ENDOD1: variants seen among roughly 807,000 people sequenced by gnomAD.
ENDOD1 encodes the protein endonuclease domain containing 1.
ENDOD1 carries 9 observed loss-of-function variants against 6.5 expected under a neutral mutation model. That is an observed-to-expected ratio of 1.39 (90% CI 0.84 to 2.43). The LOEUF is 2.43. ENDOD1 is among the 30% of genes most tolerant of loss of function. The pLI, the probability that ENDOD1 is intolerant of heterozygous loss-of-function variation, is 0.00. For synonymous variants in ENDOD1, 255 were observed against 255.2 expected, an observed-to-expected ratio of 1.00 and a Z score of 0.01; for missense variants, 648 against 635.5, an observed-to-expected ratio of 1.02 and a Z score of -0.21.
chr11:95,121,607 T>G (rs1053962021), intron 1 of ENDOD1, among the ~76,000 whole-genome samples: 1 of 152,214 alleles, frequency 6.6e-6, no homozygotes, highest in Admixed American at 6.5e-5. Flanking sequence ...TCATAAAAAT[T>G]TAGTTTCCCC....
At chr11:95,119,575 C>G in intron 1 of ENDOD1, among the ~76,000 whole-genome samples, 1 of 152,148 alleles carries the variant, frequency 6.6e-6, no homozygotes, top group East Asian at 1.9e-4. Flanking sequence ...CACAAGCACC[C>G]CTGTGGCCAC....
chr11:95,116,536 G>T (rs1859210979), intron 1 of ENDOD1, among the ~76,000 whole-genome samples: 1 of 151,828 alleles, frequency 6.6e-6, no homozygotes, highest in African/African-American at 2.4e-5. Context: ...ATTTTGGCTT[G>T]GCTTACTCTT....
At chr11:95,110,298 A>G (rs1425887618) in intron 1 of ENDOD1, among the ~76,000 whole-genome samples, 2 of 152,138 alleles carry the variant, frequency 1.3e-5, no homozygotes, top group East Asian at 1.9e-4. Context: ...ACTCTTCTCC[A>G]TGGGATCCCA....
At chr11:95,102,367 T>G (rs1400970004) in intron 1 of ENDOD1, among the ~76,000 whole-genome samples, 5 of 127,326 alleles carry the variant, frequency 3.9e-5, no homozygotes, top group African/African-American at 1.7e-4. Context: ...TCTTTCCTGC[T>G]TAAAAAAAAA....
At position 95,132,189 on chromosome 11, in the gene ENDOD1, T is replaced by G. The variant is rs1335757690; in HGVS notation, c.*2610T>G. On this transcript the variant is annotated 3_prime_UTR_variant, in exon 2 of 2. Transcript: ENST00000278505. ...TCATTATGGAGCTGATTTTCTAGTC[T>G]GTGGATCAGCTATGCCTTTGGACAC... The G allele has an allele frequency of 2.0e-5, 3 of 152,684 alleles. No homozygotes were observed. Among genetic ancestry groups the G allele is most frequent in the African/African-American group, 7.2e-5 (3 of 41,468 alleles). The allele number at this position is 152,684 out of a possible 1,614,324, so 9.5% of individuals were successfully genotyped here.
chr11:95,127,841 C>T (rs1247182521), intron 1 of ENDOD1, among the ~76,000 whole-genome samples: 1 of 152,040 alleles, frequency 6.6e-6, no homozygotes, highest in Non-Finnish European at 1.5e-5. Context: ...CTCACTGCAA[C>T]CTCTGCCTCC....
chr11:95,108,210 C>A (rs1026224525), intron 1 of ENDOD1, among the ~76,000 whole-genome samples: 2 of 152,126 alleles, frequency 1.3e-5, no homozygotes, highest in Non-Finnish European at 2.9e-5. Flanking sequence ...AAGTAGAACA[C>A]CCACCCTTTC....
At chr11:95,110,134 A>G (rs1280965296) in intron 1 of ENDOD1, among the ~76,000 whole-genome samples, 2 of 152,206 alleles carry the variant, frequency 1.3e-5, no homozygotes, top group Non-Finnish European at 2.9e-5. Context: ...TTCGGAGGCT[A>G]AAGACATTCC....
intron 1 of ENDOD1, among the ~76,000 whole-genome samples, chr11:95,097,058 G>A (rs1858992775): frequency 6.6e-6 from 1 of 151,776 alleles, no homozygotes; most frequent in African/African-American, 2.4e-5. Flanking sequence ...TGGAGGCTAA[G>A]GTGGGAGGAT....
At chr11:95,101,455 TACAG>T (rs1336497398) in intron 1 of ENDOD1, among the ~76,000 whole-genome samples, 1 of 152,200 alleles carries the variant, frequency 6.6e-6, no homozygotes, top group Non-Finnish European at 1.5e-5. Context: ...GATGTACACG[TACAG>T]ACAGTTTTCA....
intron 1 of ENDOD1, among the ~76,000 whole-genome samples, chr11:95,099,413 G>A (rs1859016287): frequency 6.6e-6 from 1 of 152,170 alleles, no homozygotes; most frequent in Non-Finnish European, 1.5e-5. Context: ...CTGTCTCAAT[G>A]CCAGCTGTCC....
intron 1 of ENDOD1, among the ~76,000 whole-genome samples, chr11:95,096,780 C>T (rs1555110366): frequency 6.6e-6 from 1 of 152,106 alleles, no homozygotes; most frequent in African/African-American, 2.4e-5. Flanking sequence ...TATTCTAAGT[C>T]CTGGAAAGAG....
At chr11:95,110,216 C>T (rs554201294) in intron 1 of ENDOD1, among the ~76,000 whole-genome samples, 1 of 152,358 alleles carries the variant, frequency 6.6e-6, no homozygotes, top group East Asian at 1.9e-4. Context: ...TGAGTAATTG[C>T]CAACACCAGC....
At chr11:95,107,974 G>C (rs1158128525) in intron 1 of ENDOD1, among the ~76,000 whole-genome samples, 1 of 152,096 alleles carries the variant, frequency 6.6e-6, no homozygotes, top group Non-Finnish European at 1.5e-5. Context: ...GCCGGAGTCC[G>C]CACATTTTCT....
chr11:95,097,914 G>A (rs1859002027), intron 1 of ENDOD1, among the ~76,000 whole-genome samples: 1 of 152,146 alleles, frequency 6.6e-6, no homozygotes, highest in African/African-American at 2.4e-5. Flanking sequence ...ACTCGCTTTT[G>A]TTCATAAGAG....
chr11:95,131,267 A>G lies in ENDOD1; in HGVS notation c.*1688A>G, dbSNP rs142824296. On this transcript the variant is annotated 3_prime_UTR_variant, in exon 2 of 2. Transcript: ENST00000278505. ...GCAGTATTTTACCAACTCTTGTCTTAGGGAGCATAAAGTTTGGATGTCCCT... is the reference window on the plus strand; with the variant it reads ...GCAGTATTTTACCAACTCTTGTCTTGGGGAGCATAAAGTTTGGATGTCCCT... 1 of 152,274 alleles carries G rather than the reference A, an allele frequency of 6.6e-6. No homozygotes were observed. Among genetic ancestry groups the G allele is most frequent in the Non-Finnish European group, 1.5e-5 (1 of 68,086 alleles). The allele number at this position is 152,274 out of a possible 1,614,324, so 9.4% of individuals were successfully genotyped here. A position where few individuals can be genotyped will look rare whatever the true frequency, so the allele number is the denominator to read the frequency against.
intron 1 of ENDOD1, among the ~76,000 whole-genome samples, chr11:95,100,130 G>T (rs1859023748): frequency 6.6e-6 from 1 of 152,094 alleles, no homozygotes; most frequent in African/African-American, 2.4e-5. Flanking sequence ...TGTTTGGGGT[G>T]GTTGATGACC....
Position 95,129,193 on chromosome 11 carries a change from G to C in ENDOD1, c.1117G>C (p.Glu373Gln). Residue 373 changes from glutamate (E) to glutamine (Q), a missense_variant, in exon 2 of 2, where the codon GAA becomes CAA. Glu to Gln is a conservative substitution (Grantham distance 29). Transcript: ENST00000278505. ...TACCAAGCAGGTGATTAATGGCATA[G>C]AAAGTTGCCTTTACCGCCTGGGCTC... is the stretch of plus-strand genomic sequence containing the variant. ...CVTKQVINGI[E>Q]SCLYRLGSAT... 1.9e-6 allele frequency: 3 copies of C among 1,614,188 alleles called. No homozygotes were observed. The highest frequency in any genetic ancestry group is 2.5e-6 in the Non-Finnish European group (3 of 1,180,028).
intron 1 of ENDOD1, among the ~76,000 whole-genome samples, chr11:95,121,263 A>G (rs1370589318): frequency 1.3e-5 from 2 of 151,834 alleles, no homozygotes; most frequent in African/African-American, 4.8e-5. Context: ...CTCCCTCTTC[A>G]TTTTCTTCTT....
Sources: gnomAD v4.1 joint callset for allele counts (sites outside exome capture counted in the v4.1 genomes callset) on GRCh38, gnomAD v4.1.1 for gene constraint, MANE v1.5 for transcripts, NCBI Gene and HGNC (gene_info 2026-07-23, HGNC 2026-07-21) for gene names.